MVB12B: variants seen among roughly 807,000 people sequenced by gnomAD.
MVB12B encodes ESCRT-I complex subunit MVB12B.
Under a neutral mutation model 41.6 loss-of-function variants are expected in MVB12B, and 16 were observed. The observed-to-expected ratio is 0.38, with a 90% CI of 0.26 to 0.58. The LOEUF (loss-of-function observed/expected upper bound fraction) is 0.58. Among genes scored for constraint, MVB12B ranks in the 20% least tolerant of loss-of-function variants. The pLI, the probability that MVB12B is intolerant of heterozygous loss-of-function variation, is 0.62. For synonymous variants in MVB12B, 133 were observed against 139.7 expected (o/e 0.95, Z 0.34); for missense variants, 274 against 380.2 (o/e 0.72, Z 2.32).
At chr9:126,397,232 G>C (rs1831142315) in intron 6 of MVB12B, 1 of 985,372 alleles carries the variant, frequency 1.0e-6, no homozygotes, top group African/African-American at 1.7e-5. Flanking sequence ...ACCACCTCAG[G>C]CAGGTTTTGA....
intron 7 of MVB12B, among the ~76,000 whole-genome samples, chr9:126,450,945 C>T (rs1023395900): frequency 6.6e-6 from 1 of 152,220 alleles, no homozygotes; most frequent in Non-Finnish European, 1.5e-5. Flanking sequence ...CTGTGCCACC[C>T]AGCCCAAAAG....
chr9:126,470,688 G>C (rs995948639), intron 7 of MVB12B, among the ~76,000 whole-genome samples: 6 of 147,234 alleles, frequency 4.1e-5, no homozygotes, highest in Non-Finnish European at 7.5e-5. Flanking sequence ...AATCCAGATT[G>C]CTCATGCCAA....
chr9:126,356,492 G>A (rs1829884007), intron 2 of MVB12B, among the ~76,000 whole-genome samples: 2 of 152,084 alleles, frequency 1.3e-5, no homozygotes, highest in South Asian at 4.2e-4. Context: ...TAGAGTGTAT[G>A]ATTTGATGAG....
intron 2 of MVB12B, among the ~76,000 whole-genome samples, chr9:126,357,704 G>T (rs555794934): frequency 6.6e-6 from 1 of 151,772 alleles, no homozygotes; most frequent in African/African-American, 2.4e-5. Context: ...CAGTTGAAAG[G>T]GTTCTTTGTA....
Position 126,398,064 on chromosome 9 carries a change from T to C in MVB12B, c.662+2367T>C, listed in dbSNP as rs545140328. 2.3e-4 allele frequency among the ~76,000 whole-genome samples: 35 copies of C among 152,180 alleles called. No individual in the cohort carries two copies. In the South Asian group the frequency reaches 6.3e-3, roughly 27 times the overall value. ...ACATTAACGTGCGCTGGCAGCCTCC[T>C]CCTCCCCTGGCTTCTGCGCCTTTGC... On this transcript the variant is annotated intron_variant, in intron 6 of 9. Coordinates refer to ENST00000361171, the MANE Select transcript of MVB12B (RefSeq NM_033446.3).
In MVB12B at chr9:126,463,321, C is replaced by T. The variant is rs74984493; in HGVS notation, c.758-18048C>T. Among the ~76,000 whole-genome samples, 861 of 152,248 alleles carry T rather than the reference C, an allele frequency of 5.7e-3. 9 individuals are homozygous for T. Among genetic ancestry groups the T allele is most frequent in the African/African-American group, 0.02 (822 of 41,544 alleles). On this transcript the variant is annotated intron_variant, in intron 7 of 9. Transcript: ENST00000361171. ...CCGCATCCAGCTCAGCTAGATGATA[C>T]GAGTAGCTATGTGAGGGGTAGGAAA...
rs983653243 is a variant in MVB12B at position 126,389,606 on chromosome 9, G to A, written c.410-2460G>A. On this transcript the variant is annotated intron_variant, in intron 4 of 9. Transcript: ENST00000361171. The surrounding 1 kb of genome is among the most constrained non-coding windows in gnomAD (Gnocchi z 4.4). The stretch of plus-strand genomic sequence containing the variant: ...ACGGAAGAATGGAGCCAAGAGCAGC[G>A]TGGCAACAGCAAGTGAAACACCCGG... 2.6e-5 allele frequency among the ~76,000 whole-genome samples: 4 copies of A among 152,298 alleles called. No individual in the cohort carries two copies. The highest frequency in any genetic ancestry group is 3.9e-4 in the East Asian group (2 of 5,180).
At position 126,380,208 on chromosome 9, in the gene MVB12B, G is replaced by A. The variant is rs1289328369; in HGVS notation, c.205-856G>A. Reference sequence around the variant, plus strand: ...GCCCTGACCAGCGATTCACAGAGCAGTCTGGAAAGAAATAGGAAGAAAGCA... The same window carrying A: ...GCCCTGACCAGCGATTCACAGAGCAATCTGGAAAGAAATAGGAAGAAAGCA... On this transcript the variant is annotated intron_variant, in intron 2 of 9. Coordinates refer to ENST00000361171, the MANE Select transcript of MVB12B (RefSeq NM_033446.3). Among the ~76,000 whole-genome samples the A allele has an allele frequency of 3.3e-5, 5 of 152,290 alleles. No individual in the cohort carries two copies. The East Asian group carries it at 7.7e-4, about 24-fold the overall frequency.
chr9:126,431,304 G>A (rs529591640), intron 7 of MVB12B, among the ~76,000 whole-genome samples: 68 of 152,304 alleles, frequency 4.5e-4, no homozygotes, highest in African/African-American at 1.6e-3. Flanking sequence ...GTGGCAAGCA[G>A]CCCACGATCC....
intron 2 of MVB12B, among the ~76,000 whole-genome samples, chr9:126,352,231 A>G (rs1012107398): frequency 4.6e-5 from 7 of 152,158 alleles, no homozygotes; most frequent in Non-Finnish European, 1.0e-4. Flanking sequence ...GCTTGGTAAT[A>G]CTAGATTCAT....
chr9:126,452,308 G>C (rs1832902511), intron 7 of MVB12B, among the ~76,000 whole-genome samples: 1 of 152,204 alleles, frequency 6.6e-6, no homozygotes, highest in Admixed American at 6.5e-5. Flanking sequence ...CATTCTACTT[G>C]AATCTGGGAC....
chr9:126,497,090 G>T (rs1263793145), intron 9 of MVB12B, among the ~76,000 whole-genome samples: 2 of 150,640 alleles, frequency 1.3e-5, no homozygotes, highest in African/African-American at 2.5e-5. Context: ...CCCGGGCTGG[G>T]TGCTGTGCTG....
intron 1 of MVB12B, chr9:126,335,198 T>C: frequency 3.6e-6 from 4 of 1,123,322 alleles, no homozygotes; most frequent in South Asian, 4.1e-5. Flanking sequence ...CACCTGACTA[T>C]GTCCAGCAGC....
Position 126,505,357 on chromosome 9 carries a change from C to T in MVB12B, c.*2094C>T, listed in dbSNP as rs1834043705. ...GCCCCCACTGATGCCGCTGCAGGCCCCTGTCGAGCTGGGGTCCCAGCCAGG... is the reference window on the plus strand; with the variant it reads ...GCCCCCACTGATGCCGCTGCAGGCCTCTGTCGAGCTGGGGTCCCAGCCAGG... On this transcript the variant is annotated 3_prime_UTR_variant, in exon 10 of 10. Transcript: ENST00000361171. 1 of 152,192 alleles carries T rather than the reference C, an allele frequency of 6.6e-6. No individual in the cohort carries two copies. Among genetic ancestry groups the T allele is most frequent in the Admixed American group, 6.5e-5 (1 of 15,288 alleles). The allele number at this position is 152,192 out of a possible 1,614,324, so 9.4% of individuals were successfully genotyped here. A position where few individuals can be genotyped will look rare whatever the true frequency, so the allele number is the denominator to read the frequency against.
chr9:126,441,412 C>T (rs930376125), intron 7 of MVB12B, among the ~76,000 whole-genome samples: 8 of 152,336 alleles, frequency 5.3e-5, no homozygotes, highest in Non-Finnish European at 1.0e-4. Context: ...GTAAGCGATA[C>T]ATTCTGTCCT....
intron 2 of MVB12B, among the ~76,000 whole-genome samples, chr9:126,349,097 G>A (rs560573020): frequency 6.6e-6 from 1 of 152,224 alleles, no homozygotes; most frequent in South Asian, 2.1e-4. Context: ...AGGAAGCACA[G>A]AGAGCCAGGG....
chr9:126,349,179 G>T (rs1157826142), intron 2 of MVB12B, among the ~76,000 whole-genome samples: 1 of 152,150 alleles, frequency 6.6e-6, no homozygotes, highest in Non-Finnish European at 1.5e-5. Context: ...GAATAATTTT[G>T]GCAGGTCCTG....
chr9:126,356,176 A>AT (rs1356610137), intron 2 of MVB12B, among the ~76,000 whole-genome samples: 1 of 152,028 alleles, frequency 6.6e-6, no homozygotes, highest in Non-Finnish European at 1.5e-5. Context: ...ACCACATGTT[A>AT]TTTTTTCTAA....
intron 6 of MVB12B, among the ~76,000 whole-genome samples, chr9:126,411,099 G>A (rs1831635893): frequency 6.6e-6 from 1 of 152,054 alleles, no homozygotes. Flanking sequence ...ATGTTGTTCA[G>A]GCTGGTCTTG....
Sources: allele counts gnomAD v4.1 joint callset (sites outside exome capture counted in the v4.1 genomes callset), GRCh38; gene constraint gnomAD v4.1.1; non-coding constraint Gnocchi (gnomAD v3.1); transcripts MANE v1.5; gene names NCBI Gene and HGNC (gene_info 2026-07-23, HGNC 2026-07-21).